Variants in ANKRD29 observed in about 807,000 individuals in gnomAD.
ANKRD29 encodes ankyrin repeat domain 29.
A neutral mutation model predicts 38.0 loss-of-function variants in ANKRD29; 32 were observed. The observed-to-expected ratio is 0.84, with a 90% CI of 0.64 to 1.13. The LOEUF is 1.13. Among genes scored for constraint, ANKRD29 ranks in the 50% most tolerant of loss-of-function variants. ANKRD29 has a pLI of 0.00. For synonymous variants in ANKRD29, 135 were observed against 152.4 expected (o/e 0.89, Z 0.84); for missense variants, 357 against 377.9 (o/e 0.94, Z 0.46).
chr18:23,612,217 G>A, intron 8 of ANKRD29, 27 bp from the exon 9 acceptor site: 1 of 1,596,684 alleles, frequency 6.3e-7, no homozygotes, highest in Non-Finnish European at 8.6e-7. Context: ...GTGTGTGTCA[G>A]GAGTGAGCTC....
chr18:23,622,598 G>A (rs930135919), intron 6 of ANKRD29, among the ~76,000 whole-genome samples: 1 of 152,054 alleles, frequency 6.6e-6, no homozygotes, highest in African/African-American at 2.4e-5. Context: ...ATGGAGTCTT[G>A]CTCTGTTGCC....
chr18:23,639,919 G>C (rs1165951514), intron 3 of ANKRD29, among the ~76,000 whole-genome samples: 1 of 152,034 alleles, frequency 6.6e-6, no homozygotes, highest in Non-Finnish European at 1.5e-5. Flanking sequence ...GGGAGTATGG[G>C]AAGTTATTAT....
chr18:23,638,772 C>T, intron 4 of ANKRD29, 77 bp downstream of exon 4: 7 of 1,160,002 alleles, frequency 6.0e-6, no homozygotes, highest in Non-Finnish European at 8.5e-6. Context: ...AAATTCGTAC[C>T]ATAGATGAGG....
chr18:23,633,977 T>G, intron 5 of ANKRD29, 74 bp downstream of exon 5: 1 of 1,462,314 alleles, frequency 6.8e-7, no homozygotes, highest in Admixed American at 1.7e-5. Flanking sequence ...AGTTGGCATT[T>G]CTGGCATCTG....
At chr18:23,626,287 C>T (rs942618204) in intron 6 of ANKRD29, among the ~76,000 whole-genome samples, 1 of 152,218 alleles carries the variant, frequency 6.6e-6, no homozygotes, top group Non-Finnish European at 1.5e-5. Context: ...CAAAGAAATA[C>T]TGTTTAGCAC....
chr18:23,658,667 A>G (rs756913088), intron 1 of ANKRD29, among the ~76,000 whole-genome samples: 3 of 152,198 alleles, frequency 2.0e-5, no homozygotes, highest in Non-Finnish European at 4.4e-5. Flanking sequence ...CCCCCCAAAA[A>G]TTCATGTGTT....
intron 3 of ANKRD29, among the ~76,000 whole-genome samples, chr18:23,639,623 C>T (rs2060047378): frequency 6.6e-6 from 1 of 151,404 alleles, no homozygotes; most frequent in Admixed American, 6.6e-5. Flanking sequence ...GCAACCTCTG[C>T]CTCCCAGGTT....
chr18:23,639,005 G>T, intron 3 of ANKRD29, 58 bp from the exon 4 acceptor site: 2 of 1,325,956 alleles, frequency 1.5e-6, no homozygotes, highest in South Asian at 1.4e-5. Context: ...CATTTGATTT[G>T]AACATCTGCA....
chr18:23,653,114 T>C (rs966383361), intron 1 of ANKRD29, among the ~76,000 whole-genome samples: 1 of 152,262 alleles, frequency 6.6e-6, no homozygotes, highest in Non-Finnish European at 1.5e-5. Context: ...AGAGCCTAGA[T>C]GTGCAGTCGG....
At chr18:23,652,392 C>T (rs1164430031) in intron 1 of ANKRD29, among the ~76,000 whole-genome samples, 1 of 152,152 alleles carries the variant, frequency 6.6e-6, no homozygotes, top group Admixed American at 6.5e-5. Context: ...CTTTAACTCC[C>T]CATCACACTG....
intron 1 of ANKRD29, among the ~76,000 whole-genome samples, chr18:23,650,307 G>A (rs1457083435): frequency 6.6e-6 from 1 of 151,994 alleles, no homozygotes; most frequent in African/African-American, 2.4e-5. Flanking sequence ...CACCATGCCC[G>A]GCTAATTATT....
At chr18:23,603,028 A>C (rs1211347347) in intron 9 of ANKRD29, among the ~76,000 whole-genome samples, 1 of 152,200 alleles carries the variant, frequency 6.6e-6, no homozygotes, top group African/African-American at 2.4e-5. Flanking sequence ...TTTTGGTAGA[A>C]GGATATAAAG....
chr18:23,634,663 TTGTATA>T (rs2059980649), intron 4 of ANKRD29, among the ~76,000 whole-genome samples: 1 of 152,192 alleles, frequency 6.6e-6, no homozygotes, highest in African/African-American at 2.4e-5. Flanking sequence ...CGTGATTATG[TTGTATA>T]TGTGGGCGGC....
At chr18:23,654,629 A>G (rs1012300782) in intron 1 of ANKRD29, among the ~76,000 whole-genome samples, 1 of 150,764 alleles carries the variant, frequency 6.6e-6, no homozygotes, top group African/African-American at 2.5e-5. Flanking sequence ...AAAAAAAAAA[A>G]AAAAAAAAAA....
chr18:23,619,924 AG>A, intron 6 of ANKRD29: 1 of 388,538 alleles, frequency 2.6e-6, no homozygotes, highest in South Asian at 3.6e-5. Flanking sequence ...TTTACCAAAA[AG>A]GGTGGTACAG....
At chr18:23,638,673 G>A (rs1298680808) in intron 4 of ANKRD29, among the ~76,000 whole-genome samples, 176 bp downstream of exon 4, 1 of 152,142 alleles carries the variant, frequency 6.6e-6, no homozygotes, top group Admixed American at 6.5e-5. Context: ...GTTTTGAATA[G>A]AACCCTTAGA....
intron 4 of ANKRD29, among the ~76,000 whole-genome samples, chr18:23,636,271 G>T (rs1395304315): frequency 6.6e-6 from 1 of 151,892 alleles, no homozygotes; most frequent in Non-Finnish European, 1.5e-5. Flanking sequence ...GAGTAGCTGG[G>T]ACTACAGGTG....
intron 9 of ANKRD29, among the ~76,000 whole-genome samples, chr18:23,607,905 G>A (rs2145634299): frequency 6.6e-6 from 1 of 152,338 alleles, no homozygotes; most frequent in African/African-American, 2.4e-5. Flanking sequence ...TATGGCTACA[G>A]TCTGAGGAAT....
chr18:23,614,668 CAAA>C (rs1299529959), intron 8 of ANKRD29, among the ~76,000 whole-genome samples: 3 of 54,002 alleles, frequency 5.6e-5, no homozygotes, highest in Non-Finnish European at 3.9e-5. Context: ...ACCCTGTCTC[CAAA>C]AAAAAAAAAA....
Sources: allele counts gnomAD v4.1 joint callset (sites outside exome capture counted in the v4.1 genomes callset), GRCh38; gene constraint gnomAD v4.1.1; transcripts MANE v1.5; gene names NCBI Gene and HGNC (gene_info 2026-07-23, HGNC 2026-07-21).